Variants in CSMD1 observed in about 807,000 individuals in gnomAD.
CSMD1 encodes CUB and sushi domain-containing protein 1.
CSMD1 carries 213 observed loss-of-function variants against 417.5 expected under a neutral mutation model. The observed-to-expected ratio is 0.51, with a 90% confidence interval of 0.46 to 0.57. The LOEUF (loss-of-function observed/expected upper bound fraction) is 0.57, where lower values mean the gene tolerates loss of function less well. CSMD1 is among the 20% of genes least tolerant of loss of function. The probability of loss-of-function intolerance (pLI) is 0.00; values close to 1 mark genes in which losing one functional copy is unlikely to be tolerated. For synonymous variants in CSMD1, 2,862 were observed against 1,736.8 expected (o/e 1.65, Z -16.11); for missense variants, 6,923 against 4,529.7 (o/e 1.53, Z -15.17).
At position 3,018,300 on chromosome 8, in the gene CSMD1, G is replaced by A. The variant is rs906081789; in HGVS notation, c.8029+177C>T. On this transcript the variant is annotated intron_variant, in intron 52 of 69. Transcript: ENST00000635120. ...AATATATGACTTTCATTCATTGCTC[G>A]GATTAAAAACAAATCCCTGTAGATA... Among the ~76,000 whole-genome samples the A allele has an allele frequency of 4.6e-5, 7 of 152,014 alleles. 1 individual carries two copies. The highest frequency in any genetic ancestry group is 4.1e-4 in the South Asian group (2 of 4,820).
At chr8:3,937,634 C>A (rs1435066406) in intron 5 of CSMD1, among the ~76,000 whole-genome samples, 2 of 152,140 alleles carry the variant, frequency 1.3e-5, no homozygotes, top group Non-Finnish European at 1.5e-5. Context: ...TGCTTTCTTG[C>A]AGTCATCTGA....
At chr8:4,108,544 T>G (rs1801688429) in intron 3 of CSMD1, among the ~76,000 whole-genome samples, 1 of 152,186 alleles carries the variant, frequency 6.6e-6, no homozygotes, top group African/African-American at 2.4e-5. Context: ...CCCAACTGTT[T>G]TCCCAGAAAT....
chr8:3,305,047 A>ATTAAT (rs1563250349), intron 25 of CSMD1, among the ~76,000 whole-genome samples: 3 of 152,130 alleles, frequency 2.0e-5, no homozygotes, highest in African/African-American at 4.8e-5. Context: ...ATTTAATTTA[A>ATTAAT]TTAATTTATT....
intron 1 of CSMD1, among the ~76,000 whole-genome samples, chr8:4,966,604 G>T (rs895023553): frequency 1.3e-5 from 2 of 152,116 alleles, no homozygotes; most frequent in African/African-American, 2.4e-5. Flanking sequence ...TGATTGAGAG[G>T]TACTGTCTTA....
At chr8:2,943,842 CT>C (rs1802048189) in intron 68 of CSMD1, among the ~76,000 whole-genome samples, 1 of 152,196 alleles carries the variant, frequency 6.6e-6, no homozygotes, top group Admixed American at 6.5e-5. Flanking sequence ...AGAAGCTCAT[CT>C]GGTTTTCTTA....
At chr8:3,741,200 C>G (rs1420328546) in intron 6 of CSMD1, among the ~76,000 whole-genome samples, 8 of 113,552 alleles carry the variant, frequency 7.0e-5, no homozygotes, top group African/African-American at 2.9e-4. Context: ...GGCAACAGAG[C>G]AAGACTCCGT....
chr8:3,617,818 C>T (rs73491490), intron 7 of CSMD1, among the ~76,000 whole-genome samples: 18,776 of 151,998 alleles, frequency 0.12, 1,306 homozygotes, highest in African/African-American at 0.18. Context: ...TTTACTATAG[C>T]GTAAATCCAA....
intron 5 of CSMD1, among the ~76,000 whole-genome samples, chr8:3,786,213 T>C (rs1423774857): frequency 1.3e-5 from 2 of 152,126 alleles, no homozygotes; most frequent in Non-Finnish European, 2.9e-5. Flanking sequence ...TTTGGGCACG[T>C]TGGGATCAAG....
intron 2 of CSMD1, among the ~76,000 whole-genome samples, chr8:4,480,615 A>G (rs1388497326): frequency 5.9e-5 from 9 of 152,234 alleles, no homozygotes; most frequent in Admixed American, 4.6e-4. Flanking sequence ...ATGCATGAGA[A>G]ACAAACACGT....
intron 1 of CSMD1, among the ~76,000 whole-genome samples, chr8:4,711,557 G>A (rs1311645851): frequency 1.3e-5 from 2 of 151,782 alleles, no homozygotes; most frequent in African/African-American, 2.4e-5. Flanking sequence ...TTTCAACAAA[G>A]GACAGAGAAA....
At chr8:3,317,363 A>C (rs1174595276) in intron 23 of CSMD1, among the ~76,000 whole-genome samples, 1 of 152,218 alleles carries the variant, frequency 6.6e-6, no homozygotes, top group African/African-American at 2.4e-5. Context: ...ACATCCTAAC[A>C]AATAGTAATC....
At chr8:3,645,476 A>T (rs973100343) in intron 7 of CSMD1, among the ~76,000 whole-genome samples, 3 of 152,176 alleles carry the variant, frequency 2.0e-5, no homozygotes, top group Non-Finnish European at 2.9e-5. Flanking sequence ...ACTAACTGAA[A>T]ATGGGACAGT....
At chr8:4,860,869 G>A (rs939052824) in intron 1 of CSMD1, among the ~76,000 whole-genome samples, 1 of 152,020 alleles carries the variant, frequency 6.6e-6, no homozygotes, top group Non-Finnish European at 1.5e-5. Context: ...TCACATCCCT[G>A]CTTCTCCTGC....
chr8:3,639,357 AAGAG>A (rs900243288), intron 7 of CSMD1, among the ~76,000 whole-genome samples: 3 of 152,220 alleles, frequency 2.0e-5, no homozygotes, highest in Non-Finnish European at 2.9e-5. Flanking sequence ...TAAGAGGAAA[AAGAG>A]AGAATGAAAG....
Position 3,411,986 on chromosome 8 carries a change from A to ATATACG in CSMD1, c.1562-2387_1562-2382dup, listed in dbSNP as rs1812798885. Among the ~76,000 whole-genome samples, 2 of 6,976 alleles carry ATATACG rather than the reference A, an allele frequency of 2.9e-4. 1 individual carries two copies. The highest frequency in any genetic ancestry group is 7.0e-4 in the African/African-American group (2 of 2,850). 4.6% of individuals were successfully genotyped at this position (6,976 alleles called of 152,430 possible). On this transcript the variant is annotated intron_variant, in intron 12 of 69. Transcript: ENST00000635120. The stretch of plus-strand genomic sequence containing the variant: ...TATATGCACGTATATATACACGTAT[A>ATATACG]TATACGTGTATATACACGTATATAT...
At chr8:4,940,408 A>T (rs1807916436) in intron 1 of CSMD1, among the ~76,000 whole-genome samples, 1 of 152,228 alleles carries the variant, frequency 6.6e-6, no homozygotes, top group Admixed American at 6.5e-5. Flanking sequence ...AAGAAATTCC[A>T]ATTATGTGTA....
chr8:4,799,904 T>G (rs1376793086), intron 1 of CSMD1, among the ~76,000 whole-genome samples: 4 of 152,228 alleles, frequency 2.6e-5, no homozygotes, highest in Middle Eastern at 3.4e-3. Flanking sequence ...ACTGGTAAAA[T>G]GAACTATGCA....
At chr8:3,857,554 C>A (rs767433605) in intron 5 of CSMD1, among the ~76,000 whole-genome samples, 1 of 152,178 alleles carries the variant, frequency 6.6e-6, no homozygotes, top group Non-Finnish European at 1.5e-5. Flanking sequence ...ATGGCAGAGT[C>A]GTCTTCCACA....
intron 12 of CSMD1, among the ~76,000 whole-genome samples, chr8:3,421,843 G>A (rs868643658): frequency 6.6e-6 from 1 of 151,888 alleles, no homozygotes; most frequent in East Asian, 1.9e-4. Flanking sequence ...TCACCATATT[G>A]GTCAATCTGG....
Sources: gnomAD v4.1 joint callset for allele counts (sites outside exome capture counted in the v4.1 genomes callset) on GRCh38, gnomAD v4.1.1 for gene constraint, MANE v1.5 for transcripts, NCBI Gene and HGNC (gene_info 2026-07-23, HGNC 2026-07-21) for gene names.